Variants in FBXO16 observed in about 807,000 individuals in gnomAD.
FBXO16 encodes F-box protein 16.
Under a neutral mutation model 41.0 loss-of-function variants are expected in FBXO16, and 31 were observed. The observed-to-expected ratio is 0.76, with a 90% confidence interval of 0.57 to 1.02. The LOEUF (loss-of-function observed/expected upper bound fraction) is 1.02. Among genes scored for constraint, FBXO16 ranks in the 50% least tolerant of loss-of-function variants. The probability of loss-of-function intolerance (pLI) is 0.00; values close to 1 mark genes in which losing one functional copy is unlikely to be tolerated. For missense variants in FBXO16, 361 were observed against 346.2 expected, an observed-to-expected ratio of 1.04 and a Z score of -0.34; for synonymous variants, 133 against 117.8, an observed-to-expected ratio of 1.13 and a Z score of -0.84.
intron 7 of FBXO16, among the ~76,000 whole-genome samples, chr8:28,434,838 C>A (rs1802663609): frequency 6.6e-6 from 1 of 152,244 alleles, no homozygotes; most frequent in Non-Finnish European, 1.5e-5. Context: ...CAGGAGCAAG[C>A]TCCGTGCAGG....
At chr8:28,434,519 C>T (rs1358783758) in intron 7 of FBXO16, among the ~76,000 whole-genome samples, 1 of 152,206 alleles carries the variant, frequency 6.6e-6, no homozygotes, top group Non-Finnish European at 1.5e-5. Flanking sequence ...TGCTAACATG[C>T]ATTTATTAAT....
intron 5 of FBXO16, among the ~76,000 whole-genome samples, chr8:28,454,939 A>C (rs917635832): frequency 5.4e-5 from 8 of 149,236 alleles, no homozygotes; most frequent in Non-Finnish European, 1.2e-4. Context: ...GGATATATTG[A>C]AGTGATCATA....
intron 7 of FBXO16, among the ~76,000 whole-genome samples, chr8:28,443,831 T>G (rs184762168): frequency 6.6e-6 from 1 of 152,280 alleles, no homozygotes; most frequent in African/African-American, 2.4e-5. Context: ...TCATACTCAC[T>G]GCTACACTCC....
chr8:28,429,008 A>C (rs147458804), intron 8 of FBXO16, among the ~76,000 whole-genome samples: 51 of 152,226 alleles, frequency 3.4e-4, no homozygotes, highest in African/African-American at 1.2e-3. Context: ...TAGTATTAAT[A>C]AGTTTCATTT....
chr8:28,459,724 T>C (rs1803094844), intron 4 of FBXO16, among the ~76,000 whole-genome samples: 1 of 151,454 alleles, frequency 6.6e-6, no homozygotes, highest in Non-Finnish European at 1.5e-5. Context: ...GATTGCTATG[T>C]TCTTTTAAAA....
intron 7 of FBXO16, among the ~76,000 whole-genome samples, chr8:28,441,906 ATATATGTGTG>A (rs1400074737): frequency 3.1e-4 from 43 of 139,454 alleles, no homozygotes; most frequent in African/African-American, 1.1e-3. Flanking sequence ...CAGTGTATAT[ATATATGTGTG>A]TGTGTGTGTG....
At chr8:28,476,097 G>A (rs1240794810) in intron 2 of FBXO16, among the ~76,000 whole-genome samples, 1 of 152,126 alleles carries the variant, frequency 6.6e-6, no homozygotes, top group African/African-American at 2.4e-5. Flanking sequence ...GACTACAACA[G>A]AGCTTCAAGA....
chr8:28,482,354 TG>T (rs1207925409), intron 2 of FBXO16, among the ~76,000 whole-genome samples: 1 of 152,098 alleles, frequency 6.6e-6, no homozygotes, highest in Admixed American at 6.6e-5. Context: ...ATGGTGATTG[TG>T]TTTTCCTGAA....
chr8:28,457,057 C>G lies in FBXO16; in HGVS notation c.343-127G>C. The G allele has an allele frequency of 8.4e-6, 8 of 953,934 alleles. No homozygotes were observed. In the South Asian group the frequency reaches 1.5e-4, roughly 18 times the overall value. 59.1% of individuals were successfully genotyped at this position (953,934 alleles called of 1,614,324 possible). A position where few individuals can be genotyped will look rare whatever the true frequency, so the allele number is the denominator to read the frequency against. ...AACTTTTTTGTCCTTTGCCTCCAAACCATAGCTTAAATGGTTACCTCCTAC... is the reference window on the plus strand; with the variant it reads ...AACTTTTTTGTCCTTTGCCTCCAAAGCATAGCTTAAATGGTTACCTCCTAC... On this transcript the variant is annotated intron_variant, in intron 4 of 8. Coordinates refer to ENST00000380254, the MANE Select transcript of FBXO16 (RefSeq NM_172366.4).
chr8:28,482,574 ATTG>A (rs1361635556), intron 2 of FBXO16, among the ~76,000 whole-genome samples: 2 of 151,582 alleles, frequency 1.3e-5, no homozygotes, highest in Non-Finnish European at 2.9e-5. Flanking sequence ...TGTTGTTCTT[ATTG>A]TTGTTGTTGT....
At chr8:28,455,428 G>A (rs949275924) in intron 5 of FBXO16, among the ~76,000 whole-genome samples, 5 of 152,042 alleles carry the variant, frequency 3.3e-5, no homozygotes, top group Admixed American at 6.6e-5. Context: ...GTAGAGACAG[G>A]GTCTTCCTAT....
chr8:28,440,689 T>C (rs533627490), intron 7 of FBXO16, among the ~76,000 whole-genome samples: 1 of 152,308 alleles, frequency 6.6e-6, no homozygotes, highest in South Asian at 2.1e-4. Context: ...GAGGCTGGAA[T>C]TAGCAGAGCA....
intron 5 of FBXO16, among the ~76,000 whole-genome samples, chr8:28,453,648 G>A (rs1802991028): frequency 6.6e-6 from 1 of 151,858 alleles, no homozygotes; most frequent in Admixed American, 6.5e-5. Context: ...CATTGCTGGT[G>A]AAAATCAAGA....
chr8:28,484,721 A>C (rs916137222), intron 1 of FBXO16, among the ~76,000 whole-genome samples: 7 of 152,084 alleles, frequency 4.6e-5, no homozygotes, highest in Non-Finnish European at 8.8e-5. Flanking sequence ...CCTCCCGGGT[A>C]GCTGGGACTA....
chr8:28,435,564 T>C (rs1217885771), intron 7 of FBXO16, among the ~76,000 whole-genome samples: 1 of 152,058 alleles, frequency 6.6e-6, no homozygotes, highest in Non-Finnish European at 1.5e-5. Flanking sequence ...CACAGTTGGG[T>C]GGTTTCTCTC....
At chr8:28,433,627 AT>A (rs1329309189) in intron 7 of FBXO16, among the ~76,000 whole-genome samples, 1 of 152,098 alleles carries the variant, frequency 6.6e-6, no homozygotes, top group South Asian at 2.1e-4. Context: ...GTATCTTATG[AT>A]TATCTCCCTA....
rs1362049602 is a variant in FBXO16 at position 28,463,835 on chromosome 8, A to C, written c.136-17T>G. 6.2e-7 allele frequency: 1 copy of C among 1,610,870 alleles called. No homozygotes were observed. Among genetic ancestry groups the C allele is most frequent in the African/African-American group, 1.3e-5 (1 of 74,946 alleles). ...TTTGTCAAACTGGAAACACAAAACAAAGCAAAATGTAAAAAGCTCCAGGTT... is the reference window on the plus strand; with the variant it reads ...TTTGTCAAACTGGAAACACAAAACACAGCAAAATGTAAAAAGCTCCAGGTT... On this transcript the variant is annotated splice_polypyrimidine_tract_variant and intron_variant, in intron 3 of 8. Coordinates refer to ENST00000380254, the MANE Select transcript of FBXO16 (RefSeq NM_172366.4).
chr8:28,486,228 CTTCT>C (rs924820624), intron 1 of FBXO16, among the ~76,000 whole-genome samples: 11 of 114,540 alleles, frequency 9.6e-5, no homozygotes, highest in Admixed American at 9.8e-5. Context: ...TCTTCTTCTT[CTTCT>C]TTTTTTTTTT....
chr8:28,484,996 T>A (rs1585924326), intron 1 of FBXO16, among the ~76,000 whole-genome samples: 1 of 151,446 alleles, frequency 6.6e-6, no homozygotes, highest in South Asian at 2.1e-4. Flanking sequence ...CTGCCTCAGC[T>A]CCCCTAGTAG....
Sources: gnomAD v4.1 joint callset for allele counts (sites outside exome capture counted in the v4.1 genomes callset) on GRCh38, gnomAD v4.1.1 for gene constraint, MANE v1.5 for transcripts, NCBI Gene and HGNC (gene_info 2026-07-23, HGNC 2026-07-21) for gene names.